Variants in PTPRJ observed in about 807,000 individuals in gnomAD.
PTPRJ encodes the protein protein tyrosine phosphatase receptor type J.
In PTPRJ, 129 loss-of-function variants were observed where a neutral mutation model predicts 141.3. The ratio of observed to expected loss-of-function variants is 0.91; its 90% CI spans 0.79 to 1.06. The LOEUF is 1.06. Among genes scored for constraint, PTPRJ ranks in the 50% least tolerant of loss-of-function variants. The pLI is 0.00. For missense variants in PTPRJ, 1,601 were observed against 1,679.7 expected (o/e 0.95, Z 0.82); for synonymous variants, 610 against 640.5 (o/e 0.95, Z 0.72).
intron 1 of PTPRJ, among the ~76,000 whole-genome samples, chr11:48,054,182 C>T (rs1854692335): frequency 1.3e-5 from 2 of 152,186 alleles, no homozygotes; most frequent in Non-Finnish European, 2.9e-5. Context: ...GATTTGCCCG[C>T]CTTGGCCTCC....
chr11:48,046,614 T>C (rs1241264305), intron 1 of PTPRJ, among the ~76,000 whole-genome samples: 1 of 152,060 alleles, frequency 6.6e-6, no homozygotes, highest in Non-Finnish European at 1.5e-5. Flanking sequence ...TGTGGTGTTG[T>C]GGGGAGAGGG....
chr11:48,135,647 A>T (rs1462135760), intron 8 of PTPRJ, among the ~76,000 whole-genome samples: 1 of 151,580 alleles, frequency 6.6e-6, no homozygotes, highest in East Asian at 1.9e-4. Context: ...ACACCCAACT[A>T]ATTTTTGTAT....
chr11:48,130,095 C>T (rs1193356150), intron 7 of PTPRJ, among the ~76,000 whole-genome samples: 1 of 150,884 alleles, frequency 6.6e-6, no homozygotes. Flanking sequence ...TCTCTGCTGT[C>T]CCTCCCTGAA....
rs1856988594 is a variant in PTPRJ at position 48,131,725 on chromosome 11, A to G, written c.1615+1009A>G. 2.0e-5 allele frequency: 10 copies of G among 501,520 alleles called. No individual in the cohort carries two copies. In the East Asian group the frequency reaches 2.9e-4, roughly 15 times the overall value. The allele number at this position is 501,520 out of a possible 1,614,324, so 31.1% of individuals were successfully genotyped here. On this transcript the variant is annotated intron_variant, in intron 8 of 24. Coordinates refer to ENST00000418331, the MANE Select transcript of PTPRJ (RefSeq NM_002843.4). ...ACGTGTGGCTTGTGAAGCCTGAGATATTTATTTTCTGGCCATTACAGAGAA... is the reference window on the plus strand; with the variant it reads ...ACGTGTGGCTTGTGAAGCCTGAGATGTTTATTTTCTGGCCATTACAGAGAA...
rs568258193 is a variant in PTPRJ, at chr11:48,098,414, C to T, written c.97-11644C>T. ...TGGGCCAGGCTGCATAAGTCCTGGA[C>T]ACCACAGGGCCTGCTTTGAGAAGGC... is the stretch of plus-strand genomic sequence containing the variant. On this transcript the variant is annotated intron_variant, in intron 1 of 24. Transcript: ENST00000418331. 1.8e-4 allele frequency among the ~76,000 whole-genome samples: 28 copies of T among 152,298 alleles called. 1 individual carries two copies. In the South Asian group the frequency reaches 5.8e-3, roughly 32 times the overall value.
chr11:48,143,892 T>A (rs1253123866), intron 12 of PTPRJ, among the ~76,000 whole-genome samples: 1 of 148,642 alleles, frequency 6.7e-6, no homozygotes, highest in Non-Finnish European at 1.5e-5. Flanking sequence ...CTTCCCTCTT[T>A]CTTTCTTTTA....
chr11:48,098,517 CT>C lies in PTPRJ; in HGVS notation c.97-11520del, dbSNP rs762125208. Reference sequence around the variant, plus strand: ...ACCCACATTTCAAATCATTTTATCTCTTTTTTTTTTTTTTTTTTTTTGAGAC... The same window carrying C: ...ACCCACATTTCAAATCATTTTATCTCTTTTTTTTTTTTTTTTTTTTGAGAC... On this transcript the variant is annotated intron_variant, in intron 1 of 24. Coordinates refer to ENST00000418331, the MANE Select transcript of PTPRJ (RefSeq NM_002843.4). Among the ~76,000 whole-genome samples, 360 of 36,338 alleles carry C rather than the reference CT, an allele frequency of 9.9e-3. 23 individuals carry two copies. The highest frequency in any genetic ancestry group is 0.02 in the African/African-American group (343 of 17,232). The allele number at this position is 36,338 out of a possible 152,430, so 23.8% of individuals were successfully genotyped here.
intron 1 of PTPRJ, among the ~76,000 whole-genome samples, chr11:48,056,781 C>T (rs369667223): frequency 1.5e-4 from 23 of 152,066 alleles, no homozygotes; most frequent in African/African-American, 4.8e-4. Context: ...GGTGAAACCC[C>T]GTCTCTACTA....
intron 1 of PTPRJ, among the ~76,000 whole-genome samples, chr11:48,087,330 C>T (rs1855743127): frequency 6.6e-6 from 1 of 152,228 alleles, no homozygotes; most frequent in Non-Finnish European, 1.5e-5. Flanking sequence ...GCTAAATAAA[C>T]ATCCTTCAAT....
intron 15 of PTPRJ, among the ~76,000 whole-genome samples, chr11:48,148,922 G>C (rs1857413871): frequency 6.6e-6 from 1 of 152,074 alleles, no homozygotes; most frequent in Non-Finnish European, 1.5e-5. Context: ...GCAAGTGCTG[G>C]GTCAGTGGGT....
chr11:48,075,169 A>G, intron 1 of PTPRJ, among the ~76,000 whole-genome samples: 1 of 151,908 alleles, frequency 6.6e-6, no homozygotes, highest in African/African-American at 2.4e-5. Context: ...CTTGAGATGG[A>G]GTCTCACTCT....
chr11:48,022,294 G>A (rs1425642851), intron 1 of PTPRJ, among the ~76,000 whole-genome samples: 4 of 151,900 alleles, frequency 2.6e-5, no homozygotes, highest in Non-Finnish European at 4.4e-5. Context: ...GAGAAACCCC[G>A]TCTCTACTAA....
At chr11:47,986,033 C>G (rs1854042815) in intron 1 of PTPRJ, among the ~76,000 whole-genome samples, 1 of 152,106 alleles carries the variant, frequency 6.6e-6, no homozygotes, top group African/African-American at 2.4e-5. Flanking sequence ...GCTGTGTTGC[C>G]CAGGCTGGAC....
Position 48,167,185 on chromosome 11 carries a change from T to G in PTPRJ, c.3856-19T>G. On this transcript the variant is annotated intron_variant, in intron 24 of 24. Coordinates refer to ENST00000418331, the MANE Select transcript of PTPRJ (RefSeq NM_002843.4). ...GACCCATGTTCATTTTCTGTCTCTC[T>G]CTTTCGTTTTTCTATCAGGACCAGT... 1 of 1,596,746 alleles carries G rather than the reference T, an allele frequency of 6.3e-7. No individual in the cohort carries two copies. The highest frequency in any genetic ancestry group is 1.1e-5 in the South Asian group (1 of 88,898).
intron 1 of PTPRJ, among the ~76,000 whole-genome samples, chr11:48,007,991 G>A (rs1213269812): frequency 2.0e-5 from 3 of 152,308 alleles, no homozygotes; most frequent in Non-Finnish European, 4.4e-5. Flanking sequence ...CCTTCTTCCC[G>A]ACACTAAAGA....
chr11:48,014,679 T>G (rs1854905077), intron 1 of PTPRJ: 1 of 152,192 alleles, frequency 6.6e-6, no homozygotes, highest in African/African-American at 2.4e-5. Context: ...CACAACAGCC[T>G]GGTGAGGTAG....
intron 8 of PTPRJ, 140 bp from the exon 9 acceptor site, chr11:48,135,899 C>A: frequency 1.1e-6 from 1 of 945,094 alleles, no homozygotes; most frequent in Non-Finnish European, 1.6e-6. Context: ...CATTTCTCAG[C>A]TCGATTTTGG....
At chr11:48,108,969 G>C (rs1315102563) in intron 1 of PTPRJ, among the ~76,000 whole-genome samples, 1 of 152,190 alleles carries the variant, frequency 6.6e-6, no homozygotes, top group Non-Finnish European at 1.5e-5. Context: ...CACACAGTGT[G>C]GTTGGAGGAG....
Position 48,088,443 on chromosome 11 carries a change from C to G in PTPRJ, c.97-21615C>G, listed in dbSNP as rs1239724187. On this transcript the variant is annotated intron_variant, in intron 1 of 24. Transcript: ENST00000418331. ...CTGGCCTAAGCTGTGCTGTACCGGA[C>G]TCTCCTGGTGACAGTTTTAGTGGCT... is the stretch of plus-strand genomic sequence containing the variant. Among the ~76,000 whole-genome samples, 3 of 152,200 alleles carry G rather than the reference C, an allele frequency of 2.0e-5. No homozygotes were observed. The East Asian group carries it at 5.8e-4, about 29-fold the overall frequency.
Sources: allele counts gnomAD v4.1 joint callset (sites outside exome capture counted in the v4.1 genomes callset), GRCh38; gene constraint gnomAD v4.1.1; transcripts MANE v1.5; gene names NCBI Gene and HGNC (gene_info 2026-07-23, HGNC 2026-07-21).